LEP: variants seen among roughly 807,000 people sequenced by gnomAD.
LEP encodes leptin (murine obesity homolog).
In LEP, 6 loss-of-function variants were observed where a neutral mutation model predicts 9.8. The ratio of observed to expected loss-of-function variants is 0.61; its 90% CI spans 0.34 to 1.21. LEP has a LOEUF of 1.21. Ranked by LOEUF, LEP falls within the 50% of genes most tolerant of loss-of-function variation. The probability of loss-of-function intolerance (pLI) is 0.04; values close to 1 mark genes in which losing one functional copy is unlikely to be tolerated. For synonymous variants in LEP, 112 were observed against 81.7 expected, an observed-to-expected ratio of 1.37 and a Z score of -2.00; for missense variants, 134 against 198.1, an observed-to-expected ratio of 0.68 and a Z score of 1.94.
At chr7:128,253,015 C>T (rs1389901662) in intron 2 of LEP, among the ~76,000 whole-genome samples, 2 of 152,200 alleles carry the variant, frequency 1.3e-5, no homozygotes, top group Non-Finnish European at 2.9e-5. Flanking sequence ...CATGCAGGCA[C>T]AGCCACTGTC....
At chr7:128,242,921 A>G (rs1409897684) in intron 1 of LEP, among the ~76,000 whole-genome samples, 1 of 152,212 alleles carries the variant, frequency 6.6e-6, no homozygotes, top group African/African-American at 2.4e-5. Context: ...GGCTCCAGGA[A>G]GGTAGAGTCC....
At position 128,254,556 on chromosome 7, in the gene LEP, C is replaced by A; in HGVS notation, c.297C>A (p.Asn99Lys). 3 of 1,614,154 alleles carry A rather than the reference C, an allele frequency of 1.9e-6. No individual in the cohort carries two copies. Among genetic ancestry groups the A allele is most frequent in the Non-Finnish European group, 2.5e-6 (3 of 1,180,002 alleles). Residue 99 changes from asparagine (N) to lysine (K), a missense_variant, in exon 3 of 3, where the codon AAC (asparagine) becomes AAA (lysine). Asn to Lys is a moderately conservative substitution (Grantham distance 94). Coordinates refer to ENST00000308868, the MANE Select transcript of LEP (RefSeq NM_000230.3). ...MPSRNVIQIS[N>K]DLENLRDLLH... ...CCAGAAACGTGATCCAAATATCCAA[C>A]GACCTGGAGAACCTCCGGGATCTTC... is the stretch of plus-strand genomic sequence containing the variant.
intron 1 of LEP, among the ~76,000 whole-genome samples, chr7:128,245,793 G>C (rs1218577549): frequency 6.6e-6 from 1 of 152,216 alleles, no homozygotes; most frequent in Non-Finnish European, 1.5e-5. Context: ...GCCAGGCTCG[G>C]TGGCTCATGC....
chr7:128,253,889 G>A (rs1795304029), intron 2 of LEP, among the ~76,000 whole-genome samples: 1 of 152,232 alleles, frequency 6.6e-6, no homozygotes, highest in South Asian at 2.1e-4. Flanking sequence ...GCTGTGGGCA[G>A]ATGGATGGGG....
intron 1 of LEP, among the ~76,000 whole-genome samples, chr7:128,246,325 G>A (rs1032122052): frequency 2.0e-5 from 3 of 152,144 alleles, no homozygotes; most frequent in African/African-American, 7.2e-5. Flanking sequence ...GTCCACCTGA[G>A]GATAAGTAAC....
chr7:128,252,220 G>C, intron 2 of LEP, 58 bp downstream of exon 2: 1 of 1,578,768 alleles, frequency 6.3e-7, no homozygotes, highest in Non-Finnish European at 8.7e-7. Context: ...CTGGCTCCTA[G>C]TGGCACTGGA....
chr7:128,242,711 T>C (rs946315149), intron 1 of LEP, among the ~76,000 whole-genome samples: 1 of 152,212 alleles, frequency 6.6e-6, no homozygotes, highest in Non-Finnish European at 1.5e-5. Flanking sequence ...TTCCTCCCCG[T>C]CCATTCCAGG....
chr7:128,251,604 G>A (rs1043692785), intron 1 of LEP, among the ~76,000 whole-genome samples: 4 of 152,172 alleles, frequency 2.6e-5, no homozygotes, highest in African/African-American at 7.2e-5. Flanking sequence ...GTATTTTGTG[G>A]TTATGTGATA....
intron 1 of LEP, among the ~76,000 whole-genome samples, chr7:128,249,893 C>A (rs1458411721): frequency 2.0e-5 from 3 of 152,206 alleles, no homozygotes; most frequent in Admixed American, 2.0e-4. Flanking sequence ...CTTCTCAGCT[C>A]CATGTTTTCA....
At chr7:128,241,727 A>G (rs2116198798) in intron 1 of LEP, among the ~76,000 whole-genome samples, 1 of 152,332 alleles carries the variant, frequency 6.6e-6, no homozygotes, top group East Asian at 1.9e-4. Flanking sequence ...AGTCCCAGAC[A>G]TTGCCTTGCT....
chr7:128,247,946 T>C (rs1458072114), intron 1 of LEP, among the ~76,000 whole-genome samples: 1 of 152,210 alleles, frequency 6.6e-6, no homozygotes, highest in Non-Finnish European at 1.5e-5. Flanking sequence ...CATGACTTTC[T>C]TTGCTGAGTC....
chr7:128,251,931 G>A (rs997464551), intron 1 of LEP, 60 bp from the exon 2 acceptor site: 1 of 1,354,542 alleles, frequency 7.4e-7, no homozygotes, highest in African/African-American at 1.4e-5. Context: ...TTGGTAATGT[G>A]AAGATGGGTG....
At chr7:128,246,631 AT>A (rs200332485) in intron 1 of LEP, among the ~76,000 whole-genome samples, 5 of 135,208 alleles carry the variant, frequency 3.7e-5, no homozygotes, top group East Asian at 2.1e-4. Flanking sequence ...TTTTATTTTT[AT>A]TTTTATTTTT....
intron 1 of LEP, among the ~76,000 whole-genome samples, 156 bp from the exon 2 acceptor site, chr7:128,251,834 TG>T (rs1482686301): frequency 1.6e-4 from 25 of 152,202 alleles, no homozygotes; most frequent in Non-Finnish European, 3.4e-4. Flanking sequence ...TTAATACATA[TG>T]TAGATCATGA....
intron 1 of LEP, among the ~76,000 whole-genome samples, chr7:128,242,397 G>A (rs1037974745): frequency 6.6e-6 from 1 of 152,176 alleles, no homozygotes; most frequent in African/African-American, 2.4e-5. Flanking sequence ...TGGAACTGGG[G>A]AATTTTGCCA....
At chr7:128,250,097 C>T (rs1051891594) in intron 1 of LEP, among the ~76,000 whole-genome samples, 2 of 152,056 alleles carry the variant, frequency 1.3e-5, no homozygotes, top group East Asian at 1.9e-4. Flanking sequence ...AGCATCTTGC[C>T]AGGAGACACA....
chr7:128,249,895 A>G (rs781590653), intron 1 of LEP, among the ~76,000 whole-genome samples: 2 of 152,206 alleles, frequency 1.3e-5, no homozygotes, highest in Non-Finnish European at 2.9e-5. Context: ...TCTCAGCTCC[A>G]TGTTTTCAAG....
intron 1 of LEP, among the ~76,000 whole-genome samples, chr7:128,250,693 A>G (rs961635683): frequency 6.6e-6 from 1 of 152,150 alleles, no homozygotes; most frequent in Admixed American, 6.5e-5. Flanking sequence ...GAATCCTACT[A>G]ATATTGCCAT....
At chr7:128,253,976 G>A (rs1795305057) in intron 2 of LEP, among the ~76,000 whole-genome samples, 1 of 152,088 alleles carries the variant, frequency 6.6e-6, no homozygotes, top group Non-Finnish European at 1.5e-5. Flanking sequence ...CTCTAAGGAG[G>A]AGGGACTGCC....
Sources: allele counts gnomAD v4.1 joint callset (sites outside exome capture counted in the v4.1 genomes callset), GRCh38; gene constraint gnomAD v4.1.1; transcripts MANE v1.5; gene names NCBI Gene and HGNC (gene_info 2026-07-23, HGNC 2026-07-21).